Variants in KCNQ5 observed in about 807,000 individuals in gnomAD.
KCNQ5 encodes the protein potassium voltage-gated channel subfamily Q member 5, also known as potassium voltage-gated channel subfamily KQT member 5.
KCNQ5 carries 30 observed loss-of-function variants against 98.2 expected under a neutral mutation model. That is an observed-to-expected ratio of 0.31 (90% CI 0.23 to 0.41). The LOEUF is 0.41. Among genes scored for constraint, KCNQ5 ranks in the 10% least tolerant of loss-of-function variants. The pLI is 1.00. For synonymous variants in KCNQ5, 458 were observed against 449.4 expected, an observed-to-expected ratio of 1.02 and a Z score of -0.24; for missense variants, 835 against 1,182.5, an observed-to-expected ratio of 0.71 and a Z score of 4.31.
chr6:72,803,301 G>A (rs1774764604), intron 1 of KCNQ5, among the ~76,000 whole-genome samples: 2 of 152,106 alleles, frequency 1.3e-5, no homozygotes, highest in Non-Finnish European at 2.9e-5. Context: ...CAAAAATCTG[G>A]GCTGCGAACA....
intron 1 of KCNQ5, among the ~76,000 whole-genome samples, chr6:72,694,260 G>T (rs1418673111): frequency 6.6e-6 from 1 of 152,108 alleles, no homozygotes; most frequent in Non-Finnish European, 1.5e-5. Context: ...CCCTTAGAAG[G>T]GGCCCTCAGA....
chr6:72,843,270 T>C (rs189048798), intron 1 of KCNQ5, among the ~76,000 whole-genome samples: 11 of 152,300 alleles, frequency 7.2e-5, no homozygotes, highest in Admixed American at 5.2e-4. Flanking sequence ...TTTTGTCAGG[T>C]TTGTCAAAGA....
At chr6:72,709,391 A>G (rs1047112057) in intron 1 of KCNQ5, among the ~76,000 whole-genome samples, 3 of 152,318 alleles carry the variant, frequency 2.0e-5, no homozygotes, top group Admixed American at 6.5e-5. Flanking sequence ...TGATCCTTGG[A>G]GAGGAAATAT....
intron 1 of KCNQ5, among the ~76,000 whole-genome samples, chr6:72,789,830 T>C (rs1274034888): frequency 1.3e-5 from 2 of 152,350 alleles, no homozygotes; most frequent in Non-Finnish European, 2.9e-5. Context: ...AATAGAACCC[T>C]ATATTTGTAA....
intron 1 of KCNQ5, among the ~76,000 whole-genome samples, chr6:72,955,710 C>T (rs761911932): frequency 1.3e-5 from 2 of 152,070 alleles, no homozygotes; most frequent in South Asian, 2.1e-4. Context: ...ACTTTGAAAA[C>T]ATTGTGATGC....
chr6:73,124,036 G>A (rs750583745), intron 8 of KCNQ5, among the ~76,000 whole-genome samples: 6 of 151,776 alleles, frequency 4.0e-5, no homozygotes, highest in East Asian at 1.9e-4. Flanking sequence ...GATTTTATAC[G>A]ATACAAAAAA....
intron 1 of KCNQ5, among the ~76,000 whole-genome samples, chr6:72,838,447 T>C (rs1389011331): frequency 6.6e-6 from 1 of 152,134 alleles, no homozygotes; most frequent in Non-Finnish European, 1.5e-5. Context: ...CTTAAAAACA[T>C]AGCTTAACAA....
chr6:72,627,139 CAAT>C (rs1326896928), intron 1 of KCNQ5, among the ~76,000 whole-genome samples: 15 of 152,106 alleles, frequency 9.9e-5, no homozygotes, highest in African/African-American at 3.6e-4. Flanking sequence ...AGATAACACT[CAAT>C]AAAATATTTT....
chr6:72,634,127 G>C lies in KCNQ5; in HGVS notation c.398+11540G>C, dbSNP rs186948919. Among the ~76,000 whole-genome samples, 214 of 152,298 alleles carry C rather than the reference G, an allele frequency of 1.4e-3. 1 individual carries two copies. Among genetic ancestry groups the C allele is most frequent in the African/African-American group, 5.0e-3 (207 of 41,560 alleles). The stretch of plus-strand genomic sequence containing the variant: ...GGGCTCCTCATATCAGATGGGTAGA[G>C]TAATTATAAAAACTACTTTGGGGTC... On this transcript the variant is annotated intron_variant, in intron 1 of 13. Coordinates refer to ENST00000370398, the MANE Select transcript of KCNQ5 (RefSeq NM_019842.4).
intron 1 of KCNQ5, among the ~76,000 whole-genome samples, chr6:72,655,640 A>T (rs1766152502): frequency 1.3e-5 from 2 of 152,132 alleles, no homozygotes; most frequent in South Asian, 4.1e-4. Context: ...AGAAAAAGGG[A>T]CATAAAAGTG....
chr6:72,773,399 C>T (rs1003752664), intron 1 of KCNQ5, among the ~76,000 whole-genome samples: 18 of 151,910 alleles, frequency 1.2e-4, no homozygotes, highest in African/African-American at 3.6e-4. Context: ...GGGAGTTGAG[C>T]GATGAGAACA....
At chr6:72,679,215 A>G (rs1208384002) in intron 1 of KCNQ5, among the ~76,000 whole-genome samples, 1 of 152,160 alleles carries the variant, frequency 6.6e-6, no homozygotes, top group Non-Finnish European at 1.5e-5. Flanking sequence ...CAGCCATCCC[A>G]TTACAGGGTA....
At chr6:72,694,103 G>A (rs1781375613) in intron 1 of KCNQ5, among the ~76,000 whole-genome samples, 1 of 152,012 alleles carries the variant, frequency 6.6e-6, no homozygotes, top group South Asian at 2.1e-4. Context: ...TAAGCTACAG[G>A]GTCACTGAGA....
At chr6:72,980,171 G>A (rs888091946) in intron 1 of KCNQ5, among the ~76,000 whole-genome samples, 1 of 151,954 alleles carries the variant, frequency 6.6e-6, no homozygotes, top group Non-Finnish European at 1.5e-5. Flanking sequence ...TCTTTTTTTG[G>A]TTCCATATGA....
intron 1 of KCNQ5, among the ~76,000 whole-genome samples, chr6:72,630,942 T>C (rs192689256): frequency 5.3e-5 from 8 of 152,096 alleles, no homozygotes; most frequent in Admixed American, 5.2e-4. Context: ...AAACTGGAGG[T>C]AGAGGATAAA....
At chr6:72,733,714 T>C (rs1213459192) in intron 1 of KCNQ5, among the ~76,000 whole-genome samples, 1 of 152,160 alleles carries the variant, frequency 6.6e-6, no homozygotes, top group Non-Finnish European at 1.5e-5. Context: ...CCTGGATAAG[T>C]GTGGCTAAGA....
intron 1 of KCNQ5, among the ~76,000 whole-genome samples, chr6:72,959,480 C>A (rs200882144): frequency 6.6e-6 from 1 of 152,220 alleles, no homozygotes; most frequent in East Asian, 1.9e-4. Context: ...TCTACAAAGA[C>A]ATTCAACACA....
chr6:72,647,502 G>C (rs888567046), intron 1 of KCNQ5, among the ~76,000 whole-genome samples: 1 of 151,876 alleles, frequency 6.6e-6, no homozygotes. Flanking sequence ...TAAGATGAGA[G>C]AAAGAAAGAG....
chr6:73,006,091 A>G (rs1484482696), intron 2 of KCNQ5, among the ~76,000 whole-genome samples: 1 of 152,212 alleles, frequency 6.6e-6, no homozygotes, highest in Admixed American at 6.5e-5. Context: ...ATGAGTTAAC[A>G]TAGTATATTA....
Sources: gnomAD v4.1 joint callset for allele counts (sites outside exome capture counted in the v4.1 genomes callset) on GRCh38, gnomAD v4.1.1 for gene constraint, MANE v1.5 for transcripts, NCBI Gene and HGNC (gene_info 2026-07-23, HGNC 2026-07-21) for gene names.